SORCS3: variants seen among roughly 807,000 people sequenced by gnomAD.
SORCS3 encodes VPS10 domain-containing receptor SorCS3.
A neutral mutation model predicts 146.3 loss-of-function variants in SORCS3; 57 were observed. That is an observed-to-expected ratio of 0.39 (90% CI 0.31 to 0.49). SORCS3 has a LOEUF of 0.49. Ranked by LOEUF, SORCS3 falls within the 20% of genes least tolerant of loss-of-function variation. SORCS3 has a pLI of 0.92. For missense variants in SORCS3, 1,341 were observed against 1,575.5 expected (o/e 0.85, Z 2.52); for synonymous variants, 653 against 618.5 (o/e 1.06, Z -0.83).
intron 5 of SORCS3, among the ~76,000 whole-genome samples, chr10:105,045,357 A>G (rs1301569928): frequency 6.6e-6 from 1 of 152,142 alleles, no homozygotes; most frequent in South Asian, 2.1e-4. Flanking sequence ...TTCTTCATAT[A>G]TGCTCCCAAG....
intron 3 of SORCS3, among the ~76,000 whole-genome samples, chr10:104,941,718 C>T (rs2019322119): frequency 6.6e-6 from 1 of 152,158 alleles, no homozygotes; most frequent in South Asian, 2.1e-4. Context: ...TGGCTTAATT[C>T]CCTGGGTAGG....
chr10:104,752,777 T>C (rs2017003688), intron 1 of SORCS3, among the ~76,000 whole-genome samples: 1 of 152,228 alleles, frequency 6.6e-6, no homozygotes, highest in African/African-American at 2.4e-5. Context: ...AGGTATATAA[T>C]AATTAAGTTA....
intron 20 of SORCS3, among the ~76,000 whole-genome samples, chr10:105,243,172 CA>C (rs1564794085): frequency 4.3e-4 from 64 of 149,774 alleles, no homozygotes; most frequent in African/African-American, 1.6e-3. Flanking sequence ...GGTTTTGTGT[CA>C]GATAAGACCT....
At chr10:105,236,070 G>A (rs1273245483) in intron 20 of SORCS3, among the ~76,000 whole-genome samples, 1 of 152,094 alleles carries the variant, frequency 6.6e-6, no homozygotes, top group Non-Finnish European at 1.5e-5. Context: ...TGCATTATAT[G>A]TGCCTCATAT....
intron 5 of SORCS3, among the ~76,000 whole-genome samples, chr10:105,065,232 G>C (rs1013649548): frequency 6.6e-6 from 1 of 152,022 alleles, no homozygotes; most frequent in Non-Finnish European, 1.5e-5. Flanking sequence ...TTACCTAAAG[G>C]GTGAGAAGTT....
intron 7 of SORCS3, among the ~76,000 whole-genome samples, chr10:105,136,076 A>G (rs1466437214): frequency 6.6e-6 from 1 of 152,186 alleles, no homozygotes; most frequent in Non-Finnish European, 1.5e-5. Flanking sequence ...TCATATTTTT[A>G]GGTATTTGTT....
chr10:105,101,369 C>T (rs2055783499), intron 6 of SORCS3, among the ~76,000 whole-genome samples: 1 of 152,192 alleles, frequency 6.6e-6, no homozygotes, highest in African/African-American at 2.4e-5. Flanking sequence ...TTAGTTTCCC[C>T]ATGCCCCTAC....
intron 20 of SORCS3, among the ~76,000 whole-genome samples, chr10:105,225,505 G>A (rs893800172): frequency 2.0e-5 from 3 of 151,864 alleles, no homozygotes; most frequent in African/African-American, 7.3e-5. Context: ...AGATCTTGAA[G>A]TTGAGTAGAG....
At chr10:105,243,118 A>G (rs2056846712) in intron 20 of SORCS3, among the ~76,000 whole-genome samples, 2 of 142,650 alleles carry the variant, frequency 1.4e-5, no homozygotes, top group Admixed American at 7.6e-5. Flanking sequence ...GAGATATCTC[A>G]TTTTCTTTTT....
intron 20 of SORCS3, among the ~76,000 whole-genome samples, chr10:105,228,969 C>G (rs1171800608): frequency 6.6e-6 from 1 of 152,174 alleles, no homozygotes; most frequent in Non-Finnish European, 1.5e-5. Flanking sequence ...TTTTTATCTT[C>G]TGGCATACCG....
At chr10:104,832,734 T>TAAATAAAC (rs1169514885) in intron 1 of SORCS3, among the ~76,000 whole-genome samples, 4 of 150,902 alleles carry the variant, frequency 2.7e-5, no homozygotes, top group African/African-American at 9.7e-5. Flanking sequence ...AATAAATAAA[T>TAAATAAAC]AAATAAATAA....
chr10:104,738,709 A>G (rs2133458522), intron 1 of SORCS3, among the ~76,000 whole-genome samples: 1 of 152,312 alleles, frequency 6.6e-6, no homozygotes, highest in South Asian at 2.1e-4. Context: ...GGGAAATGAA[A>G]TGGCTTTCAG....
chr10:104,959,318 T>C (rs2133633478), intron 3 of SORCS3, among the ~76,000 whole-genome samples: 1 of 152,210 alleles, frequency 6.6e-6, no homozygotes, highest in South Asian at 2.1e-4. Flanking sequence ...TGAGGGTATT[T>C]GGATGTCGGG....
At chr10:104,666,774 T>C (rs2015783368) in intron 1 of SORCS3, among the ~76,000 whole-genome samples, 1 of 152,276 alleles carries the variant, frequency 6.6e-6, no homozygotes, top group East Asian at 1.9e-4. Flanking sequence ...CCCAACTATT[T>C]TTTTTTATTT....
chr10:104,966,210 TCCCCTTGGCATGA>T (rs2133638958), intron 3 of SORCS3, among the ~76,000 whole-genome samples: 1 of 152,042 alleles, frequency 6.6e-6, no homozygotes, highest in East Asian at 1.9e-4. Context: ...TTTCAAAATG[TCCCCTTGGCATGA>T]CCCCTTCTTT....
chr10:105,179,852 T>A (rs1039714840), intron 14 of SORCS3, among the ~76,000 whole-genome samples: 5 of 152,080 alleles, frequency 3.3e-5, no homozygotes, highest in Admixed American at 1.3e-4. Context: ...AGACAGGGAG[T>A]CCATTTGGGG....
At chr10:104,727,061 C>T (rs1170644919) in intron 1 of SORCS3, among the ~76,000 whole-genome samples, 1 of 152,178 alleles carries the variant, frequency 6.6e-6, no homozygotes, top group African/African-American at 2.4e-5. Context: ...TTTGTGTTCA[C>T]TCATTGTCTC....
chr10:105,161,248 C>T (rs1053836055), intron 11 of SORCS3, among the ~76,000 whole-genome samples: 4 of 152,290 alleles, frequency 2.6e-5, no homozygotes, highest in Middle Eastern at 3.4e-3. Context: ...AAGTCACTGG[C>T]GCGTGCCTCT....
At chr10:104,766,088 A>G (rs903936543) in intron 1 of SORCS3, among the ~76,000 whole-genome samples, 12 of 152,194 alleles carry the variant, frequency 7.9e-5, no homozygotes, top group Admixed American at 7.9e-4. Context: ...TGACTCTGGC[A>G]TTATTCTGCT....
Sources: allele counts gnomAD v4.1 joint callset (sites outside exome capture counted in the v4.1 genomes callset), GRCh38; gene constraint gnomAD v4.1.1; transcripts MANE v1.5; gene names NCBI Gene and HGNC (gene_info 2026-07-23, HGNC 2026-07-21).